The following BCAT1 variants were observed in gnomAD, a reference collection of about 807,000 sequenced individuals.
BCAT1 encodes branched-chain-amino-acid aminotransferase, cytosolic.
A neutral mutation model predicts 52.4 loss-of-function variants in BCAT1; 48 were observed. The ratio of observed to expected loss-of-function variants is 0.92; its 90% CI spans 0.73 to 1.16. The LOEUF is 1.16. BCAT1 is among the 50% of genes most tolerant of loss of function. BCAT1 has a pLI of 0.00. For missense variants in BCAT1, 451 were observed against 457.1 expected, an observed-to-expected ratio of 0.99 and a Z score of 0.12; for synonymous variants, 167 against 161.3, an observed-to-expected ratio of 1.04 and a Z score of -0.27.
intron 7 of BCAT1, among the ~76,000 whole-genome samples, chr12:24,841,563 C>A (rs974000593): frequency 2.2e-4 from 33 of 152,114 alleles, no homozygotes; most frequent in Middle Eastern, 3.4e-3. Flanking sequence ...ACATCTAGAG[C>A]CAGAAAAACA....
At chr12:24,851,465 ATG>A (rs1335239618) in intron 5 of BCAT1, among the ~76,000 whole-genome samples, 23 of 152,366 alleles carry the variant, frequency 1.5e-4, no homozygotes, top group Admixed American at 4.6e-4. Context: ...GCACAAAAAA[ATG>A]TGTTTACACA....
At chr12:24,834,423 T>A in intron 8 of BCAT1, 1 of 984,948 alleles carries the variant, frequency 1.0e-6, no homozygotes, top group Non-Finnish European at 1.2e-6. Flanking sequence ...CCTTTTAAGC[T>A]ATGTGTTTAA....
chr12:24,925,737 G>C (rs1010151004), intron 1 of BCAT1, among the ~76,000 whole-genome samples: 1 of 152,180 alleles, frequency 6.6e-6, no homozygotes, highest in African/African-American at 2.4e-5. Context: ...TTGCAGGCGC[G>C]CGCCACCATG....
intron 3 of BCAT1, among the ~76,000 whole-genome samples, chr12:24,883,733 AG>A (rs1255906887): frequency 6.6e-6 from 1 of 152,224 alleles, no homozygotes; most frequent in East Asian, 1.9e-4. Context: ...ATTTTTCCAC[AG>A]GGATGAGCGT....
chr12:24,935,325 G>A (rs1943736551), intron 1 of BCAT1, among the ~76,000 whole-genome samples: 1 of 152,178 alleles, frequency 6.6e-6, no homozygotes, highest in African/African-American at 2.4e-5. Flanking sequence ...TCAGGGATAT[G>A]GTCAGAGAGC....
chr12:24,857,597 C>G (rs903781264), intron 5 of BCAT1, among the ~76,000 whole-genome samples: 1 of 152,112 alleles, frequency 6.6e-6, no homozygotes, highest in African/African-American at 2.4e-5. Flanking sequence ...TCTTGATGCC[C>G]ACATTGAGAG....
intron 9 of BCAT1, among the ~76,000 whole-genome samples, chr12:24,831,493 A>G (rs11047671): frequency 0.14 from 21,405 of 152,170 alleles, 1,906 homozygotes; most frequent in Middle Eastern, 0.23. Context: ...TACAAAAAAT[A>G]CTAAAATTAG....
intron 6 of BCAT1, among the ~76,000 whole-genome samples, chr12:24,844,712 A>G (rs1941283014): frequency 6.6e-6 from 1 of 151,074 alleles, no homozygotes. Flanking sequence ...CCTGGCTAAC[A>G]CGGTGAAACC....
chr12:24,875,186 C>G (rs566431427), intron 5 of BCAT1, among the ~76,000 whole-genome samples: 1 of 152,180 alleles, frequency 6.6e-6, no homozygotes, highest in Non-Finnish European at 1.5e-5. Context: ...CCAGCCAGTA[C>G]TTCACATATC....
chr12:24,843,116 T>C (rs990697617), intron 6 of BCAT1, among the ~76,000 whole-genome samples: 6 of 152,266 alleles, frequency 3.9e-5, no homozygotes, highest in African/African-American at 1.4e-4. Flanking sequence ...GTCCTCCTGT[T>C]GCACCATGAA....
intron 1 of BCAT1, chr12:24,902,827 AG>A: frequency 7.3e-7 from 1 of 1,360,788 alleles, no homozygotes; most frequent in Non-Finnish European, 9.8e-7. Context: ...GGCGGAATGG[AG>A]GGCAAGGCGA....
At chr12:24,939,848 CT>C (rs1943821986) in intron 1 of BCAT1, among the ~76,000 whole-genome samples, 1 of 152,022 alleles carries the variant, frequency 6.6e-6, no homozygotes, top group South Asian at 2.1e-4. Context: ...AATAATAAAA[CT>C]AAAAATAATA....
chr12:24,866,941 C>T lies in BCAT1; in HGVS notation c.510+11589G>A, dbSNP rs1020423591. Among the ~76,000 whole-genome samples the T allele has an allele frequency of 2.0e-5, 3 of 152,180 alleles. No homozygotes were observed. The East Asian group carries it at 5.8e-4, about 29-fold the overall frequency. ...ATACTGTGGAAGCTTTGTTCTCTCG[C>T]TCTTTGCAGTAAATCTTGCTGCTGC... On this transcript the variant is annotated intron_variant, in intron 5 of 10. Coordinates refer to ENST00000261192, the MANE Select transcript of BCAT1 (RefSeq NM_005504.7).
intron 1 of BCAT1, chr12:24,902,943 G>A: frequency 6.6e-7 from 1 of 1,508,704 alleles, no homozygotes; most frequent in Non-Finnish European, 8.8e-7. Flanking sequence ...CGGGTTCGAG[G>A]TACCTGGCGG....
chr12:24,898,397 A>G (rs1428572344), intron 2 of BCAT1, among the ~76,000 whole-genome samples: 1 of 152,078 alleles, frequency 6.6e-6, no homozygotes, highest in Non-Finnish European at 1.5e-5. Context: ...TATTAAAAAC[A>G]ACTTCCTAAT....
intron 7 of BCAT1, among the ~76,000 whole-genome samples, chr12:24,840,685 C>G (rs537485871): frequency 5.3e-5 from 8 of 152,208 alleles, no homozygotes; most frequent in Non-Finnish European, 7.3e-5. Context: ...GCAACTAACA[C>G]TAAAATTAGT....
intron 1 of BCAT1, among the ~76,000 whole-genome samples, chr12:24,907,842 ACT>A (rs1487833012): frequency 3.3e-5 from 5 of 151,902 alleles, no homozygotes; most frequent in Non-Finnish European, 5.9e-5. Context: ...CCCTTTGCTG[ACT>A]CTCTTTTCAG....
At chr12:24,864,970 GT>G (rs1391598659) in intron 5 of BCAT1, among the ~76,000 whole-genome samples, 1 of 152,084 alleles carries the variant, frequency 6.6e-6, no homozygotes, top group Non-Finnish European at 1.5e-5. Context: ...AACCTCTCTT[GT>G]TTTTCTTTCT....
At chr12:24,900,820 A>G (rs1943083737) in intron 2 of BCAT1, among the ~76,000 whole-genome samples, 1 of 152,114 alleles carries the variant, frequency 6.6e-6, no homozygotes. Context: ...AATCTCAGCT[A>G]CTCAGGAGGC....
Sources: allele counts gnomAD v4.1 joint callset (sites outside exome capture counted in the v4.1 genomes callset), GRCh38; gene constraint gnomAD v4.1.1; transcripts MANE v1.5; gene names NCBI Gene and HGNC (gene_info 2026-07-23, HGNC 2026-07-21).